The following ANKRD30BL variants were observed in gnomAD, a reference collection of about 807,000 sequenced individuals.
ANKRD30BL encodes the protein putative ankyrin repeat domain-containing protein 30B-like.
A neutral mutation model predicts 18.4 loss-of-function variants in ANKRD30BL; 20 were observed. That is an observed-to-expected ratio of 1.09 (90% CI 0.77 to 1.58). The LOEUF is 1.58. Ranked by LOEUF, ANKRD30BL falls within the 40% of genes most tolerant of loss-of-function variation. The probability of loss-of-function intolerance (pLI) is 0.00; values close to 1 mark genes in which losing one functional copy is unlikely to be tolerated. For synonymous variants in ANKRD30BL, 72 were observed against 100.9 expected, an observed-to-expected ratio of 0.71 and a Z score of 1.72; for missense variants, 224 against 268.6, an observed-to-expected ratio of 0.83 and a Z score of 1.16.
At chr2:132,228,345 A>T (rs79375799) in intron 1 of ANKRD30BL, among the ~76,000 whole-genome samples, 2 of 151,310 alleles carry the variant, frequency 1.3e-5, no homozygotes, top group South Asian at 2.1e-4. Context: ...TCTTTTGATT[A>T]AGCAGTTTGG....
intron 4 of ANKRD30BL, among the ~76,000 whole-genome samples, chr2:132,153,097 C>T (rs1470783640): frequency 3.3e-5 from 5 of 152,070 alleles, no homozygotes; most frequent in Admixed American, 3.3e-4. Flanking sequence ...TCAATGGCAA[C>T]GATGCAGCAA....
intron 1 of ANKRD30BL, among the ~76,000 whole-genome samples, chr2:132,241,304 A>AT (rs1680313543): frequency 6.6e-6 from 1 of 151,940 alleles, no homozygotes; most frequent in Non-Finnish European, 1.5e-5. Flanking sequence ...GCAAGTGGAT[A>AT]TTTGGGTAGC....
At chr2:132,161,081 G>A (rs916061730) in intron 1 of ANKRD30BL, among the ~76,000 whole-genome samples, 7 of 99,354 alleles carry the variant, frequency 7.0e-5, no homozygotes, top group Non-Finnish European at 1.4e-4. Flanking sequence ...TATATTATGG[G>A]AATTATTTCA....
intron 1 of ANKRD30BL, among the ~76,000 whole-genome samples, chr2:132,245,254 C>T (rs139198801): frequency 1.3e-5 from 2 of 152,076 alleles, no homozygotes; most frequent in Non-Finnish European, 2.9e-5. Flanking sequence ...GAGGCCTTTG[C>T]TGTAAACGGG....
At chr2:132,237,611 T>G (rs147185880) in intron 1 of ANKRD30BL, among the ~76,000 whole-genome samples, 3 of 151,540 alleles carry the variant, frequency 2.0e-5, no homozygotes, top group African/African-American at 2.4e-5. Flanking sequence ...TGGAAACGGG[T>G]ATGTCTTCAC....
intron 1 of ANKRD30BL, among the ~76,000 whole-genome samples, chr2:132,253,568 G>C (rs561621427): frequency 6.6e-6 from 1 of 152,170 alleles, no homozygotes; most frequent in Non-Finnish European, 1.5e-5. Context: ...ACGACAGCAC[G>C]ATGGCCACTG....
At chr2:132,221,937 T>C (rs1216588344) in intron 1 of ANKRD30BL, among the ~76,000 whole-genome samples, 75 of 98,088 alleles carry the variant, frequency 7.6e-4, no homozygotes, top group Middle Eastern at 9.3e-3. Flanking sequence ...GCCCCCCGCC[T>C]GGCCAGCCGC....
At chr2:132,224,116 G>A (rs373850309) in intron 1 of ANKRD30BL, among the ~76,000 whole-genome samples, 61 of 152,016 alleles carry the variant, frequency 4.0e-4, no homozygotes, top group African/African-American at 1.3e-3. Flanking sequence ...TGAGGCCTTC[G>A]TTGGAAGCGG....
intron 1 of ANKRD30BL, among the ~76,000 whole-genome samples, chr2:132,239,894 A>C (rs1680264305): frequency 6.6e-6 from 1 of 151,972 alleles, no homozygotes; most frequent in Non-Finnish European, 1.5e-5. Context: ...CTTTCTTTTG[A>C]TATAGCAATT....
intron 1 of ANKRD30BL, among the ~76,000 whole-genome samples, chr2:132,182,701 T>C (rs1688491389): frequency 1.3e-5 from 2 of 152,258 alleles, no homozygotes; most frequent in South Asian, 4.1e-4. Context: ...GACCAGATGA[T>C]TAAAAAAATA....
intron 1 of ANKRD30BL, among the ~76,000 whole-genome samples, chr2:132,242,464 T>C (rs1398328101): frequency 6.6e-6 from 1 of 151,796 alleles, no homozygotes; most frequent in Non-Finnish European, 1.5e-5. Context: ...TAGAGCAGGG[T>C]TGAAACACTG....
At chr2:132,213,551 A>C (rs1679410796) in intron 1 of ANKRD30BL, among the ~76,000 whole-genome samples, 1 of 152,308 alleles carries the variant, frequency 6.6e-6, no homozygotes, top group South Asian at 2.1e-4. Flanking sequence ...GAGTTGAACC[A>C]TACTTTTGAT....
chr2:132,229,503 A>G lies in ANKRD30BL; in HGVS notation n.441+28026T>C, dbSNP rs567678912. Among the ~76,000 whole-genome samples the G allele has an allele frequency of 8.3e-3, 1,263 of 152,274 alleles. 14 individuals carry two copies. The highest frequency in any genetic ancestry group is 0.028 in the African/African-American group (1,178 of 41,574). ...TCAGAAACTTCTTTGTGATGTTTGCATTCAACTCATAGAGTTGAACATACC... is the reference window on the plus strand; with the variant it reads ...TCAGAAACTTCTTTGTGATGTTTGCGTTCAACTCATAGAGTTGAACATACC... On this transcript the variant is annotated intron_variant and non_coding_transcript_variant, in intron 1 of 4. Coordinates refer to the ANKRD30BL transcript ENST00000470729.
At chr2:132,204,862 G>A (rs1340565717) in intron 1 of ANKRD30BL, among the ~76,000 whole-genome samples, 33 of 152,266 alleles carry the variant, frequency 2.2e-4, no homozygotes, top group Non-Finnish European at 3.2e-4. Flanking sequence ...TGAGATGCAG[G>A]TGGTGAAGAC....
intron 1 of ANKRD30BL, among the ~76,000 whole-genome samples, chr2:132,242,901 GAA>G (rs1680377910): frequency 6.6e-6 from 1 of 151,836 alleles, no homozygotes; most frequent in African/African-American, 2.4e-5. Flanking sequence ...AAAGTAGACA[GAA>G]GCATTCTCAG....
chr2:132,171,215 G>C (rs560997129), intron 1 of ANKRD30BL, among the ~76,000 whole-genome samples: 3 of 151,768 alleles, frequency 2.0e-5, no homozygotes, highest in Non-Finnish European at 4.4e-5. Flanking sequence ...AACTGAGTTA[G>C]TTATGGATTA....
chr2:132,229,231 C>T lies in ANKRD30BL; in HGVS notation n.441+28298G>A, dbSNP rs561635063. ...TGAAATACTCTTTTTGTAGAATCTGCAAGTGGACCTTTCGAGTGCCTTCGG... is the reference window on the plus strand; with the variant it reads ...TGAAATACTCTTTTTGTAGAATCTGTAAGTGGACCTTTCGAGTGCCTTCGG... On this transcript the variant is annotated intron_variant and non_coding_transcript_variant, in intron 1 of 4. Transcript: ENST00000470729. Among the ~76,000 whole-genome samples the T allele has an allele frequency of 9.2e-5, 14 of 152,200 alleles. No individual in the cohort carries two copies. In the East Asian group the frequency reaches 2.5e-3, roughly 27 times the overall value.
chr2:132,231,906 C>A (rs899301330), intron 1 of ANKRD30BL, among the ~76,000 whole-genome samples: 6 of 152,126 alleles, frequency 3.9e-5, no homozygotes, highest in African/African-American at 7.2e-5. Flanking sequence ...AAACAAAAAG[C>A]AGTAACCTCT....
chr2:132,213,133 G>A (rs906119605), intron 1 of ANKRD30BL, among the ~76,000 whole-genome samples: 7 of 139,582 alleles, frequency 5.0e-5, no homozygotes, highest in African/African-American at 2.0e-4. Context: ...GAGGCCTATG[G>A]TGGAAAAAAA....
Sources: allele counts gnomAD v4.1 joint callset (sites outside exome capture counted in the v4.1 genomes callset), GRCh38; gene constraint gnomAD v4.1.1; transcripts MANE v1.5; gene names NCBI Gene and HGNC (gene_info 2026-07-23, HGNC 2026-07-21).